Variants in RECQL5 observed in about 807,000 individuals in gnomAD.
The protein encoded by RECQL5 is RecQ like helicase 5.
RECQL5 carries 88 observed loss-of-function variants against 103.4 expected under a neutral mutation model. The observed-to-expected ratio is 0.85, with a 90% CI of 0.72 to 1.02. The LOEUF (loss-of-function observed/expected upper bound fraction) is 1.02. RECQL5 is among the 50% of genes least tolerant of loss of function. The pLI is 0.00. For synonymous variants in RECQL5, 552 were observed against 507.9 expected, an observed-to-expected ratio of 1.09 and a Z score of -1.17; for missense variants, 1,232 against 1,284.3, an observed-to-expected ratio of 0.96 and a Z score of 0.62.
At position 75,630,275 on chromosome 17, in the gene RECQL5, G is replaced by C. The variant is rs1240124291; in HGVS notation, c.1721C>G (p.Ala574Gly). The change falls in exon 14 of 20, where the codon GCT (alanine) becomes GGT (glycine). Residue 574 changes from alanine to glycine, a missense_variant and splice_region_variant. Coordinates refer to ENST00000317905, the MANE Select transcript of RECQL5 (RefSeq NM_004259.7). ...CTCCACGGCCTTGGCCCGGAGGTCA[G>C]CTCTGTGGGTGCAAGGTAACAGGCA... Reference protein sequence around the residue: ...NRQSTRTADEADLRAKAVELE... With the variant: ...NRQSTRTADEGDLRAKAVELE... The C allele has an allele frequency of 1.3e-6, 2 of 1,555,056 alleles. No individual in the cohort carries two copies. Among genetic ancestry groups the C allele is most frequent in the Non-Finnish European group, 1.7e-6 (2 of 1,148,832 alleles).
rs750464964 is a variant in RECQL5 at position 75,630,287 on chromosome 17, C to CA, written c.1719-11dup. 22 of 1,547,922 alleles carry CA rather than the reference C, an allele frequency of 1.4e-5. No individual in the cohort carries two copies. The South Asian group carries it at 2.4e-4, about 17-fold the overall frequency. ...GGCCCGGAGGTCAGCTCTGTGGGTG[C>CA]AAGGTAACAGGCACAAGGTATCAGG... On this transcript the variant is annotated splice_polypyrimidine_tract_variant and intron_variant, in intron 13 of 19. Coordinates refer to ENST00000317905, the MANE Select transcript of RECQL5 (RefSeq NM_004259.7).
intron 6 of RECQL5, among the ~76,000 whole-genome samples, chr17:75,659,976 A>G (rs1260240836): frequency 6.6e-6 from 1 of 152,196 alleles, no homozygotes; most frequent in Non-Finnish European, 1.5e-5. Flanking sequence ...TGGTTCTAAG[A>G]GCCTTGCCTT....
intron 7 of RECQL5, among the ~76,000 whole-genome samples, chr17:75,655,407 AG>A (rs1270040823): frequency 6.7e-6 from 1 of 148,718 alleles, no homozygotes; most frequent in Non-Finnish European, 1.5e-5. Flanking sequence ...TCTATCACCC[AG>A]GCTGGAGTGC....
intron 8 of RECQL5, among the ~76,000 whole-genome samples, chr17:75,642,048 C>T (rs2059441538): frequency 6.6e-6 from 1 of 152,210 alleles, no homozygotes; most frequent in Non-Finnish European, 1.5e-5. Context: ...ATTTGCCCCT[C>T]TAAACATGGG....
At chr17:75,635,751 G>A (rs959020383) in intron 8 of RECQL5, 18 of 981,440 alleles carry the variant, frequency 1.8e-5, no homozygotes, top group Non-Finnish European at 2.1e-5. Context: ...CCACCATGAC[G>A]AAACAACAGG....
rs867295211 is a variant in RECQL5, at chr17:75,640,241, G to A, written c.1230-8573C>T. On this transcript the variant is annotated intron_variant, in intron 8 of 19. Coordinates refer to ENST00000317905, the MANE Select transcript of RECQL5 (RefSeq NM_004259.7). The surrounding 1 kb of genome is among the most constrained non-coding windows in gnomAD (Gnocchi z 4.6). ...CTTCGTGCAGGAGATGCGCGCCGTG[G>A]GCGAGAGGCTGCTGCTCAAGCTGCA... The A allele has an allele frequency of 3.2e-6, 5 of 1,551,350 alleles. No individual in the cohort carries two copies. In the African/African-American group the frequency reaches 5.5e-5, roughly 17 times the overall value.
In RECQL5 at chr17:75,629,132, A is replaced by G. The variant is rs1473336539; in HGVS notation, c.2291T>C (p.Ile764Thr). The G allele has an allele frequency of 6.2e-7, 1 of 1,613,782 alleles. No homozygotes were observed. Among genetic ancestry groups the G allele is most frequent in the Non-Finnish European group, 8.5e-7 (1 of 1,179,988 alleles). The part of the protein sequence containing the change: ...ATAAHKDSQS[I>T]ARFFCRRVES... Reference sequence around the variant, plus strand: ...CACCCTTCGGCAGAAGAAGCGGGCGATGCTCTGAGAATCCTTGTGGGCCGC... The same window carrying G: ...CACCCTTCGGCAGAAGAAGCGGGCGGTGCTCTGAGAATCCTTGTGGGCCGC... Residue 764 changes from isoleucine to threonine, a missense_variant, in exon 16 of 20, where the codon ATC (isoleucine) becomes ACC (threonine). Ile to Thr is a moderately conservative substitution (Grantham distance 89, BLOSUM62 -1). Transcript: ENST00000317905.
In RECQL5 at chr17:75,662,841, A is replaced by C; in HGVS notation, c.409T>G (p.Ser137Ala). The change falls in exon 4 of 20, where the codon TCC becomes GCC. Residue 137 changes from serine to alanine, a missense_variant. Coordinates refer to ENST00000317905, the MANE Select transcript of RECQL5 (RefSeq NM_004259.7). ...AGGGAGTTCAGGGTGGGCTGGAAGG[A>C]GGATGAAGCTGCCATCTCTGGGGTG... ...YITPEMAASS[S>A]FQPTLNSLVS... The C allele has an allele frequency of 6.2e-7, 1 of 1,614,118 alleles. No homozygotes were observed. The highest frequency in any genetic ancestry group is 8.5e-7 in the Non-Finnish European group (1 of 1,180,006).
At position 75,627,624 on chromosome 17, in the gene RECQL5, G is replaced by A. The variant is rs200560792; in HGVS notation, c.2874C>T (p.Ser958=). ...LLTQKTSPGR[S]VKEEAQNLIR... is the part of the protein sequence containing the mutation. The stretch of plus-strand genomic sequence containing the variant: ...GGCCCTGGCAATGCCAGCGCTCACC[G>A]CTCCTTCCAGGAGAGGTCTTCTGAG... The change falls in exon 19 of 20, where the codon AGC becomes AGT. Residue 958 remains serine (S), a splice_region_variant and synonymous_variant. Transcript: ENST00000317905. 20 of 1,612,838 alleles carry A rather than the reference G, an allele frequency of 1.2e-5. No homozygotes were observed. The highest frequency in any genetic ancestry group is 6.7e-5 in the African/African-American group (5 of 74,920).
chr17:75,640,871 G>T lies in RECQL5; in HGVS notation c.1230-9203C>A. On this transcript the variant is annotated intron_variant, in intron 8 of 19. Transcript: ENST00000317905. This position sits in a 1 kb window ranked among gnomAD's most constrained non-coding sequence, Gnocchi z 4.6. ...CTGCCCTGAGCGGAGAGGCAGGAAG[G>T]TCCAGGTGCAGCCGACACCACCATG... 1.3e-6 allele frequency: 2 copies of T among 1,547,284 alleles called. No individual in the cohort carries two copies. Among genetic ancestry groups the T allele is most frequent in the Non-Finnish European group, 1.7e-6 (2 of 1,146,956 alleles).
chr17:75,658,087 T>C (rs2059650951), intron 7 of RECQL5, among the ~76,000 whole-genome samples: 1 of 152,030 alleles, frequency 6.6e-6, no homozygotes, highest in Non-Finnish European at 1.5e-5. Context: ...ATTAAGATAA[T>C]TTAAATATTT....
In RECQL5 at chr17:75,640,240, G is replaced by C; in HGVS notation, c.1230-8572C>G. On this transcript the variant is annotated intron_variant, in intron 8 of 19. Transcript: ENST00000317905. This position sits in a 1 kb window ranked among gnomAD's most constrained non-coding sequence, Gnocchi z 4.6. ...ACTTCGTGCAGGAGATGCGCGCCGTGGGCGAGAGGCTGCTGCTCAAGCTGC... is the reference window on the plus strand; with the variant it reads ...ACTTCGTGCAGGAGATGCGCGCCGTCGGCGAGAGGCTGCTGCTCAAGCTGC... The C allele has an allele frequency of 1.3e-6, 2 of 1,551,296 alleles. No individual in the cohort carries two copies. The highest frequency in any genetic ancestry group is 1.7e-6 in the Non-Finnish European group (2 of 1,146,842).
At chr17:75,629,917 T>C in intron 14 of RECQL5, 75 bp from the exon 15 acceptor site, 1 of 1,510,578 alleles carries the variant, frequency 6.6e-7, no homozygotes, top group Non-Finnish European at 8.9e-7. Context: ...CCTCCTTTTC[T>C]ACTAGGCACT....
chr17:75,645,516 C>T (rs1204614204), intron 8 of RECQL5, among the ~76,000 whole-genome samples: 3 of 152,160 alleles, frequency 2.0e-5, no homozygotes, highest in Non-Finnish European at 1.5e-5. Flanking sequence ...TATGTAATTA[C>T]AAGTACAACT....
In RECQL5 at chr17:75,662,818, G is replaced by C; in HGVS notation, c.432C>G (p.Ser144=). The C allele has an allele frequency of 6.2e-7, 1 of 1,614,170 alleles. No homozygotes were observed. Among genetic ancestry groups the C allele is most frequent in the Non-Finnish European group, 8.5e-7 (1 of 1,180,036 alleles). Residue 144 remains serine (S), a synonymous_variant, in exon 4 of 20, where the codon TCC becomes TCG. Transcript: ENST00000317905. ...ASSSFQPTLN[S]LVSRHLLSYL... ...AAGACAGCAGGTGGCGGGACACCAG[G>C]GAGTTCAGGGTGGGCTGGAAGGAGG...
Position 75,640,206 on chromosome 17 carries a change from C to T in RECQL5, c.1230-8538G>A. 1 of 1,547,794 alleles carries T rather than the reference C, an allele frequency of 6.5e-7. No individual in the cohort carries two copies. On this transcript the variant is annotated intron_variant, in intron 8 of 19. Coordinates refer to ENST00000317905, the MANE Select transcript of RECQL5 (RefSeq NM_004259.7). The surrounding 1 kb of genome is among the most constrained non-coding windows in gnomAD (Gnocchi z 4.6). Reference sequence around the variant, plus strand: ...CCAACAGGAAGCCAGCGCGGCATGGCTGCCACCGACTTCGTGCAGGAGATG... The same window carrying T: ...CCAACAGGAAGCCAGCGCGGCATGGTTGCCACCGACTTCGTGCAGGAGATG...
chr17:75,628,137 C>T (rs2059136451), intron 18 of RECQL5, 81 bp downstream of exon 18: 2 of 1,256,304 alleles, frequency 1.6e-6, no homozygotes, highest in Admixed American at 1.8e-5. Flanking sequence ...TGTTCTGGGG[C>T]TCAAACTCCC....
chr17:75,627,800 A>G, intron 18 of RECQL5, 108 bp from the exon 19 acceptor site: 1 of 951,374 alleles, frequency 1.1e-6, no homozygotes, highest in Non-Finnish European at 1.6e-6. Context: ...CGGGCGGATC[A>G]TGAGGTCAGG....
intron 3 of RECQL5, 121 bp downstream of exon 3, chr17:75,664,930 A>AT: frequency 2.8e-5 from 35 of 1,251,090 alleles, no homozygotes; most frequent in Non-Finnish European, 3.6e-5. Context: ...AAAAAAAAAA[A>AT]GGAAAAAGAA....
Sources: gnomAD v4.1 joint callset for allele counts (sites outside exome capture counted in the v4.1 genomes callset) on GRCh38, gnomAD v4.1.1 for gene constraint, Gnocchi (gnomAD v3.1) non-coding constraint, MANE v1.5 for transcripts, NCBI Gene and HGNC (gene_info 2026-07-23, HGNC 2026-07-21) for gene names.